Variants in ITPR2 observed in about 807,000 individuals in gnomAD.
ITPR2 encodes inositol 1,4,5-trisphosphate-gated calcium channel ITPR2.
Under a neutral mutation model 317.1 loss-of-function variants are expected in ITPR2, and 207 were observed. That is an observed-to-expected ratio of 0.65 (90% CI 0.58 to 0.73). ITPR2 has a LOEUF of 0.73. ITPR2 is among the 30% of genes least tolerant of loss of function. The pLI is 0.00. For synonymous variants in ITPR2, 1,156 were observed against 1,149.1 expected, an observed-to-expected ratio of 1.01 and a Z score of -0.12; for missense variants, 2,613 against 3,284.0, an observed-to-expected ratio of 0.80 and a Z score of 4.99.
rs563149137 is a variant in ITPR2 at position 26,797,147 on chromosome 12, A to G, written c.93-6920T>C. On this transcript the variant is annotated intron_variant, in intron 1 of 56. Transcript: ENST00000381340. ...ACAACACTAAAAATCTCAAAAACAT[A>G]AAGTTGAGCTTTAAAAAAAGCGAAT... 1.6e-3 allele frequency among the ~76,000 whole-genome samples: 237 copies of G among 152,334 alleles called. 2 individuals carry two copies. The highest frequency in any genetic ancestry group is 3.4e-3 in the Middle Eastern group (1 of 294).
Position 26,655,802 on chromosome 12 carries a change from G to T in ITPR2, c.2495C>A (p.Ala832Asp). The T allele has an allele frequency of 6.2e-7, 1 of 1,611,678 alleles. No homozygotes were observed. The highest frequency in any genetic ancestry group is 8.5e-7 in the Non-Finnish European group (1 of 1,178,538). The part of the protein sequence containing the change: ...SSRNDMKRKF[A>D]LTMEFVEEYL... ...TTCTTCAACAAATTCCATTGTCAGGGCAAATTTCCTCTTCATATCATTTCT... is the reference window on the plus strand; with the variant it reads ...TTCTTCAACAAATTCCATTGTCAGGTCAAATTTCCTCTTCATATCATTTCT... Residue 832 changes from alanine to aspartate, a missense_variant, in exon 20 of 57, where the codon GCC becomes GAC. Ala to Asp is a moderately radical substitution (Grantham distance 126). This residue lies in a region of ITPR2 where 817 missense variants were observed against 897.6 expected (regional missense o/e 0.91). Transcript: ENST00000381340.
chr12:26,423,464 A>G (rs565371655), intron 49 of ITPR2, among the ~76,000 whole-genome samples: 1 of 152,302 alleles, frequency 6.6e-6, no homozygotes, highest in African/African-American at 2.4e-5. Context: ...TATTAAATGA[A>G]TTACACATTT....
chr12:26,791,598 A>AT (rs1031406829), intron 1 of ITPR2, among the ~76,000 whole-genome samples: 5 of 152,134 alleles, frequency 3.3e-5, no homozygotes, highest in African/African-American at 1.2e-4. Flanking sequence ...CAGTTCCTTG[A>AT]TTTTTTTAAT....
chr12:26,608,705 G>C (rs1297455101), intron 26 of ITPR2, among the ~76,000 whole-genome samples: 2 of 151,866 alleles, frequency 1.3e-5, no homozygotes, highest in African/African-American at 4.8e-5. Context: ...ACCCCTCCAA[G>C]TGTGTGAAGT....
intron 1 of ITPR2, among the ~76,000 whole-genome samples, chr12:26,792,109 T>C (rs1950351224): frequency 6.6e-6 from 1 of 152,160 alleles, no homozygotes; most frequent in Non-Finnish European, 1.5e-5. Flanking sequence ...AGTGTATTTA[T>C]GTGAACACTA....
At chr12:26,451,922 A>C (rs186275269) in intron 45 of ITPR2, among the ~76,000 whole-genome samples, 2 of 152,212 alleles carry the variant, frequency 1.3e-5, no homozygotes, top group African/African-American at 4.8e-5. Flanking sequence ...AGCATTGCAA[A>C]GTGTTGTGAC....
Position 26,436,273 on chromosome 12 carries a change from G to A in ITPR2, c.6717C>T (p.Phe2239=), listed in dbSNP as rs1236403082. 2.5e-6 allele frequency: 4 copies of A among 1,613,178 alleles called. No individual in the cohort carries two copies. Among genetic ancestry groups the A allele is most frequent in the Non-Finnish European group, 3.4e-6 (4 of 1,179,580 alleles). ...WGSISFNLAV[F]INLAVALFYP... is the part of the protein sequence containing the mutation. ...AGAAGAGAGCAACAGCTAAATTGAT[G>A]AACACAGCCAGGTTGAAGGAAATGC... The change falls in exon 48 of 57, where the codon TTC becomes TTT. Residue 2239 remains phenylalanine (F), a synonymous_variant. Transcript: ENST00000381340.
chr12:26,723,562 G>A (rs1948870894), intron 4 of ITPR2, among the ~76,000 whole-genome samples: 1 of 152,138 alleles, frequency 6.6e-6, no homozygotes, highest in Non-Finnish European at 1.5e-5. Flanking sequence ...CAGGTTGCAG[G>A]TTTCACATTA....
At chr12:26,770,129 T>C (rs1949813772) in intron 2 of ITPR2, among the ~76,000 whole-genome samples, 1 of 152,242 alleles carries the variant, frequency 6.6e-6, no homozygotes, top group Non-Finnish European at 1.5e-5. Flanking sequence ...TCTCCAAAAG[T>C]AGATCTGTAT....
At chr12:26,826,884 C>A (rs1184020825) in intron 1 of ITPR2, among the ~76,000 whole-genome samples, 1 of 152,178 alleles carries the variant, frequency 6.6e-6, no homozygotes, top group Non-Finnish European at 1.5e-5. Flanking sequence ...TATGCTCAGT[C>A]CCTACTCTGT....
At chr12:26,603,597 T>A (rs560794342) in intron 26 of ITPR2, among the ~76,000 whole-genome samples, 1 of 152,134 alleles carries the variant, frequency 6.6e-6, no homozygotes, top group Non-Finnish European at 1.5e-5. Context: ...AATATATCAA[T>A]AAAGATTTGA....
chr12:26,602,346 G>C (rs1253673089), intron 28 of ITPR2, 24 bp downstream of exon 28: 1 of 1,579,592 alleles, frequency 6.3e-7, no homozygotes, highest in South Asian at 1.2e-5. Flanking sequence ...AAAAGCTAAA[G>C]AACAAAAAAT....
intron 43 of ITPR2, among the ~76,000 whole-genome samples, chr12:26,479,031 C>T: frequency 6.7e-6 from 1 of 150,308 alleles, no homozygotes; most frequent in Non-Finnish European, 1.5e-5. Context: ...CAAGGAAGTC[C>T]CTTAAATTTA....
At chr12:26,420,973 T>C (rs944619049) in intron 49 of ITPR2, among the ~76,000 whole-genome samples, 3 of 152,122 alleles carry the variant, frequency 2.0e-5, no homozygotes, top group Non-Finnish European at 4.4e-5. Flanking sequence ...AAATAAGTTG[T>C]ATAAAAATAA....
At chr12:26,640,929 G>A (rs988650640) in intron 21 of ITPR2, among the ~76,000 whole-genome samples, 2 of 152,190 alleles carry the variant, frequency 1.3e-5, no homozygotes, top group Non-Finnish European at 2.9e-5. Context: ...GCAGGAGACA[G>A]AGCTGGAGAT....
At chr12:26,802,583 A>T (rs565480971) in intron 1 of ITPR2, among the ~76,000 whole-genome samples, 866 of 10,506 alleles carry the variant, frequency 0.082, 10 homozygotes, top group African/African-American at 0.18. Context: ...AGATATAGAT[A>T]TATCTATATA....
At chr12:26,545,163 A>G (rs907020950) in intron 37 of ITPR2, among the ~76,000 whole-genome samples, 2 of 152,142 alleles carry the variant, frequency 1.3e-5, no homozygotes, top group Non-Finnish European at 2.9e-5. Flanking sequence ...CTCCCCAAAG[A>G]TGCACATGTC....
chr12:26,431,047 C>T (rs963928134), intron 48 of ITPR2, among the ~76,000 whole-genome samples: 1 of 152,104 alleles, frequency 6.6e-6, no homozygotes, highest in Non-Finnish European at 1.5e-5. Context: ...AGGACAAGGA[C>T]AAGTTTACTA....
rs188775111 is a variant in ITPR2, at chr12:26,658,968, A to T, written c.1886+145T>A. 4,453 of 600,898 alleles carry T rather than the reference A, an allele frequency of 7.4e-3. 33 individuals carry two copies. The highest frequency in any genetic ancestry group is 0.011 in the Non-Finnish European group (3,703 of 348,574). 37.2% of individuals were successfully genotyped at this position (600,898 alleles called of 1,614,324 possible). Reference sequence around the variant, plus strand: ...TTATGAGGTAATAACTCTTTATTATATACAATTATTATAGCAATAAGCCCA... The same window carrying T: ...TTATGAGGTAATAACTCTTTATTATTTACAATTATTATAGCAATAAGCCCA... On this transcript the variant is annotated intron_variant, in intron 16 of 56. Transcript: ENST00000381340.
Sources: gnomAD v4.1 joint callset for allele counts (sites outside exome capture counted in the v4.1 genomes callset) on GRCh38, gnomAD v4.1.1 for gene constraint, gnomAD v4.1.1 regional missense constraint, MANE v1.5 for transcripts, NCBI Gene and HGNC (gene_info 2026-07-23, HGNC 2026-07-21) for gene names.